The following SYNPR variants were observed in gnomAD, a reference collection of about 807,000 sequenced individuals.
The protein encoded by SYNPR is synaptoporin.
In SYNPR, 23 loss-of-function variants were observed where a neutral mutation model predicts 32.9. The observed-to-expected ratio is 0.70, with a 90% CI of 0.50 to 0.99. SYNPR has a LOEUF of 0.99. Ranked by LOEUF, SYNPR falls within the 50% of genes least tolerant of loss-of-function variation. The probability of loss-of-function intolerance (pLI) is 0.00; values close to 1 mark genes in which losing one functional copy is unlikely to be tolerated. For missense variants in SYNPR, 318 were observed against 349.3 expected, an observed-to-expected ratio of 0.91 and a Z score of 0.71; for synonymous variants, 146 against 135.9, an observed-to-expected ratio of 1.07 and a Z score of -0.52.
chr3:63,557,399 T>C (rs1185427569), intron 4 of SYNPR, among the ~76,000 whole-genome samples: 1 of 152,234 alleles, frequency 6.6e-6, no homozygotes, highest in African/African-American at 2.4e-5. Flanking sequence ...ACTGTCATCT[T>C]TCTTAATCAA....
chr3:63,440,802 C>A (rs1437007286), intron 2 of SYNPR, among the ~76,000 whole-genome samples: 1 of 152,172 alleles, frequency 6.6e-6, no homozygotes, highest in Non-Finnish European at 1.5e-5. Context: ...AAACCCAAGA[C>A]TGAGCCTCAT....
intron 2 of SYNPR, among the ~76,000 whole-genome samples, chr3:63,454,509 T>C (rs1700441827): frequency 6.6e-6 from 1 of 152,096 alleles, no homozygotes; most frequent in African/African-American, 2.4e-5. Flanking sequence ...AATAGCCCCA[T>C]GAAACAAACA....
upstream of SYNPR, among the ~76,000 whole-genome samples, chr3:63,273,579 C>G (rs1049790314): frequency 3.9e-5 from 6 of 152,018 alleles, no homozygotes; most frequent in African/African-American, 1.2e-4. Context: ...TGCATGTATT[C>G]AAGCCTAACA....
chr3:63,410,058 C>T (rs559639575), intron 2 of SYNPR, among the ~76,000 whole-genome samples: 2 of 152,250 alleles, frequency 1.3e-5, no homozygotes, highest in South Asian at 4.1e-4. Flanking sequence ...TTTGTTGTCT[C>T]AAGCCACTGA....
In SYNPR at chr3:63,248,071, C is replaced by A. The variant is rs77433835; in HGVS notation, n.67-4428C>A. Among the ~76,000 whole-genome samples, 897 of 152,226 alleles carry A rather than the reference C, an allele frequency of 5.9e-3. 9 individuals are homozygous for A. Among genetic ancestry groups the A allele is most frequent in the East Asian group, 0.053 (272 of 5,168 alleles). ...AACTGCCCAGGGGAAAGGTGATGCA[C>A]AGAGGGGCCTTGGGATTGAGAGCTA... On this transcript the variant is annotated intron_variant and non_coding_transcript_variant, in intron 1 of 4. Coordinates refer to the SYNPR transcript ENST00000478456.
At chr3:63,564,512 G>T (rs886152912) in intron 4 of SYNPR, among the ~76,000 whole-genome samples, 1 of 152,034 alleles carries the variant, frequency 6.6e-6, no homozygotes. Context: ...GTGTGTGTGT[G>T]TGTGTCTCAC....
upstream of SYNPR, among the ~76,000 whole-genome samples, chr3:63,277,679 A>T (rs1485635040): frequency 6.6e-6 from 1 of 152,140 alleles, no homozygotes; most frequent in Admixed American, 6.5e-5. Flanking sequence ...TCTTCTCTCC[A>T]GGCAGTTTCC....
At chr3:63,407,679 G>A (rs1210406412) in intron 2 of SYNPR, among the ~76,000 whole-genome samples, 2 of 152,028 alleles carry the variant, frequency 1.3e-5, no homozygotes, top group East Asian at 1.9e-4. Context: ...AATATACCAC[G>A]TAGAAATTAT....
intron 3 of SYNPR, among the ~76,000 whole-genome samples, chr3:63,548,523 T>C (rs1303063778): frequency 6.6e-6 from 1 of 152,046 alleles, no homozygotes; most frequent in East Asian, 1.9e-4. Context: ...AACACACTTA[T>C]TACACACATA....
chr3:63,509,113 T>A (rs1007037687), intron 3 of SYNPR, among the ~76,000 whole-genome samples: 1 of 151,572 alleles, frequency 6.6e-6, no homozygotes, highest in African/African-American at 2.4e-5. Flanking sequence ...CATATATATA[T>A]ATATATACAC....
chr3:63,228,901 C>A (rs1245961609), intron 1 of SYNPR, among the ~76,000 whole-genome samples: 1 of 151,974 alleles, frequency 6.6e-6, no homozygotes, highest in Admixed American at 6.6e-5. Context: ...TGGCCGCCAT[C>A]TTGAAATGAT....
chr3:63,482,061 T>C (rs1246314987), intron 3 of SYNPR, among the ~76,000 whole-genome samples: 1 of 151,822 alleles, frequency 6.6e-6, no homozygotes, highest in Non-Finnish European at 1.5e-5. Flanking sequence ...TGGAGGAGAG[T>C]AATCAAGAGA....
chr3:63,492,340 C>T (rs577364358), intron 3 of SYNPR, among the ~76,000 whole-genome samples: 4 of 152,278 alleles, frequency 2.6e-5, no homozygotes, highest in Admixed American at 2.0e-4. Context: ...GGATTTAAGG[C>T]TTCCTAAGAG....
chr3:63,571,271 G>A (rs1702880819), intron 4 of SYNPR, among the ~76,000 whole-genome samples: 1 of 152,104 alleles, frequency 6.6e-6, no homozygotes, highest in South Asian at 2.1e-4. Context: ...TTTTGTAAGA[G>A]GAAAATGAAA....
the SYNPR span, among the ~76,000 whole-genome samples, chr3:63,211,005 C>A: frequency 1.3e-5 from 2 of 152,214 alleles, no homozygotes; most frequent in African/African-American, 4.8e-5. Flanking sequence ...TTAGCCTCTT[C>A]TCCAGATTCT....
At chr3:63,222,220 A>G in the SYNPR span, among the ~76,000 whole-genome samples, 1 of 151,774 alleles carries the variant, frequency 6.6e-6, no homozygotes, top group African/African-American at 2.4e-5. Context: ...GTGTACTGCA[A>G]AGCATCCAAA....
upstream of SYNPR, among the ~76,000 whole-genome samples, chr3:63,275,520 T>A (rs758695258): frequency 1.5e-4 from 23 of 152,206 alleles, no homozygotes; most frequent in Non-Finnish European, 3.1e-4. Flanking sequence ...GAAGGAACAC[T>A]GGGTGTGAAG....
intron 3 of SYNPR, among the ~76,000 whole-genome samples, chr3:63,524,824 AGTGTGTGTGT>A (rs138062730): frequency 8.5e-5 from 11 of 129,382 alleles, no homozygotes; most frequent in African/African-American, 3.2e-4. Context: ...TCATAATAGA[AGTGTGTGTGT>A]GTGTGTGTGT....
intron 2 of SYNPR, among the ~76,000 whole-genome samples, chr3:63,364,621 AT>A (rs1560206247): frequency 6.6e-6 from 1 of 152,252 alleles, no homozygotes; most frequent in Non-Finnish European, 1.5e-5. Context: ...TCCAGTATAA[AT>A]TATGGATTAA....
Sources: gnomAD v4.1 joint callset for allele counts (sites outside exome capture counted in the v4.1 genomes callset) on GRCh38, gnomAD v4.1.1 for gene constraint, MANE v1.5 for transcripts, NCBI Gene and HGNC (gene_info 2026-07-23, HGNC 2026-07-21) for gene names.